Variants in DIP2B observed in about 807,000 individuals in gnomAD.
DIP2B encodes the protein DIP2 acetate--CoA ligase B (putative), also known as disco-interacting protein 2 homolog B.
Under a neutral mutation model 198.0 loss-of-function variants are expected in DIP2B, and 76 were observed. The ratio of observed to expected loss-of-function variants is 0.38; its 90% confidence interval spans 0.32 to 0.46. The LOEUF is 0.46. DIP2B is among the 20% of genes least tolerant of loss of function. DIP2B has a pLI of 0.99. For missense variants in DIP2B, 1,559 were observed against 1,978.4 expected (o/e 0.79, Z 4.02); for synonymous variants, 701 against 739.1 (o/e 0.95, Z 0.84).
At chr12:50,726,776 C>T (rs1427872669) in intron 28 of DIP2B, among the ~76,000 whole-genome samples, 1 of 151,968 alleles carries the variant, frequency 6.6e-6, no homozygotes, top group Non-Finnish European at 1.5e-5. Flanking sequence ...GCTGGGACTA[C>T]AGGCCTGAGT....
chr12:50,540,330 T>TGA (rs1157949164), intron 1 of DIP2B, among the ~76,000 whole-genome samples: 1 of 151,538 alleles, frequency 6.6e-6, no homozygotes, highest in Non-Finnish European at 1.5e-5. Context: ...AGGCTGATCT[T>TGA]GAACTCCTGA....
chr12:50,593,860 TCCTCCCCTCC>T (rs1958854227), intron 1 of DIP2B, among the ~76,000 whole-genome samples: 3 of 1,900 alleles, frequency 1.6e-3, no homozygotes, highest in Non-Finnish European at 2.3e-3. Flanking sequence ...CCCTCCCCTC[TCCTCCCCTCC>T]CCTCTCCTCC....
chr12:50,505,001 T>TGGCGGCGGCGGCGGCGGCGGCGGA lies in DIP2B; in HGVS notation c.-117_-116insAGGCGGCGGCGGCGGCGGCGGCGG, dbSNP rs574938327. On this transcript the variant is annotated 5_prime_UTR_variant, in exon 1 of 38. Transcript: ENST00000301180. ...GTCGCGCTCACGTGACCTTTGCTCA[T>TGGCGGCGGCGGCGGCGGCGGCGGA]GGCGGCGGCGGCGGCGGCGGCGGTG... The TGGCGGCGGCGGCGGCGGCGGCGGA allele has an allele frequency of 3.1e-6, 2 of 651,260 alleles. No individual in the cohort carries two copies. The highest frequency in any genetic ancestry group is 5.2e-6 in the Non-Finnish European group (2 of 385,310). The allele number at this position is 651,260 out of a possible 1,614,324, so 40.3% of individuals were successfully genotyped here. A position where few individuals can be genotyped will look rare whatever the true frequency, so the allele number is the denominator to read the frequency against.
chr12:50,701,726 G>A (rs914634425), intron 19 of DIP2B, among the ~76,000 whole-genome samples: 14 of 152,040 alleles, frequency 9.2e-5, no homozygotes, highest in African/African-American at 3.4e-4. Flanking sequence ...ATATTTTATA[G>A]ATAATGCTAC....
intron 1 of DIP2B, among the ~76,000 whole-genome samples, chr12:50,581,453 G>A (rs1593627620): frequency 6.7e-6 from 1 of 149,562 alleles, no homozygotes; most frequent in South Asian, 2.2e-4. Flanking sequence ...CTTTCCGGCT[G>A]TATGCTGTAC....
chr12:50,704,486 T>C (rs1939478711), intron 20 of DIP2B, among the ~76,000 whole-genome samples: 1 of 152,252 alleles, frequency 6.6e-6, no homozygotes, highest in Non-Finnish European at 1.5e-5. Flanking sequence ...ACTTTTTTTA[T>C]TTTAAGAACT....
At chr12:50,700,503 C>A (rs1179744119) in intron 19 of DIP2B, among the ~76,000 whole-genome samples, 3 of 152,184 alleles carry the variant, frequency 2.0e-5, no homozygotes, top group African/African-American at 7.2e-5. Context: ...TACTGTCCCA[C>A]TTGAAATCAG....
rs905691064 is a variant in DIP2B at position 50,626,174 on chromosome 12, C to T, written c.172+127C>T. 3.4e-5 allele frequency: 32 copies of T among 940,948 alleles called. No individual in the cohort carries two copies. In the African/African-American group the frequency reaches 3.8e-4, roughly 11 times the overall value. The allele number at this position is 940,948 out of a possible 1,614,324, so 58.3% of individuals were successfully genotyped here. A position where few individuals can be genotyped will look rare whatever the true frequency, so the allele number is the denominator to read the frequency against. On this transcript the variant is annotated intron_variant, in intron 2 of 37. Transcript: ENST00000301180. The stretch of plus-strand genomic sequence containing the variant: ...TTCCTCACCAGGGGAGAGAAAAAAA[C>T]GGAAGGAAAGAAAGGAGGAAATGAA...
At position 50,718,689 on chromosome 12, in the gene DIP2B, G is replaced by T. The variant is rs1223853971; in HGVS notation, c.2852-20G>T. 1 of 1,608,990 alleles carries T rather than the reference G, an allele frequency of 6.2e-7. No homozygotes were observed. The highest frequency in any genetic ancestry group is 8.5e-7 in the Non-Finnish European group (1 of 1,175,720). Reference sequence around the variant, plus strand: ...TGGAATCGCCATCTCCAGTGAGTTGGGTTTTGCATTTATTTACAGGTGTAG... The same window carrying T: ...TGGAATCGCCATCTCCAGTGAGTTGTGTTTTGCATTTATTTACAGGTGTAG... On this transcript the variant is annotated intron_variant, in intron 23 of 37. Coordinates refer to ENST00000301180, the MANE Select transcript of DIP2B (RefSeq NM_173602.3).
chr12:50,505,265 C>T (rs1213141922), intron 1 of DIP2B, 25 bp downstream of exon 1: 1 of 1,460,116 alleles, frequency 6.8e-7, no homozygotes, highest in Non-Finnish European at 9.0e-7. Context: ...GGGGAGAGGG[C>T]GCCCGGGGCC....
intron 1 of DIP2B, among the ~76,000 whole-genome samples, chr12:50,623,537 A>G (rs80021344): frequency 0.017 from 2,521 of 151,658 alleles, 22 homozygotes; most frequent in Admixed American, 0.027. Flanking sequence ...ACGCACACAC[A>G]CACACACACA....
intron 1 of DIP2B, among the ~76,000 whole-genome samples, chr12:50,594,558 A>G (rs1229054647): frequency 6.6e-6 from 1 of 152,188 alleles, no homozygotes; most frequent in Non-Finnish European, 1.5e-5. Flanking sequence ...GTCAATACGT[A>G]TTAGTGTTAA....
At chr12:50,719,820 G>A (rs868269192) in intron 25 of DIP2B, among the ~76,000 whole-genome samples, 7 of 149,698 alleles carry the variant, frequency 4.7e-5, no homozygotes, top group East Asian at 3.9e-4. Flanking sequence ...CAGCCTGGGT[G>A]ACAGAGCAAG....
intron 1 of DIP2B, among the ~76,000 whole-genome samples, chr12:50,544,740 C>T (rs1447474240): frequency 1.3e-5 from 2 of 151,934 alleles, no homozygotes; most frequent in Non-Finnish European, 2.9e-5. Flanking sequence ...GCCTCAGCCT[C>T]CTGAGTAGTT....
At chr12:50,692,084 T>A (rs1027518963) in intron 13 of DIP2B, among the ~76,000 whole-genome samples, 4 of 151,926 alleles carry the variant, frequency 2.6e-5, no homozygotes, top group Non-Finnish European at 5.9e-5. Context: ...TATATATATA[T>A]AATACATTCA....
At position 50,622,666 on chromosome 12, in the gene DIP2B, C is replaced by T. The variant is rs763755680; in HGVS notation, c.101-3310C>T. Among the ~76,000 whole-genome samples, 17 of 152,220 alleles carry T rather than the reference C, an allele frequency of 1.1e-4. No individual in the cohort carries two copies. The South Asian group carries it at 1.2e-3, about 11-fold the overall frequency. ...TCTTGTTGCCCAGGCTGGAGTACAGCGGTGTGATCTCAGCTCACCGCAGTA... is the reference window on the plus strand; with the variant it reads ...TCTTGTTGCCCAGGCTGGAGTACAGTGGTGTGATCTCAGCTCACCGCAGTA... On this transcript the variant is annotated intron_variant, in intron 1 of 37. Transcript: ENST00000301180.
chr12:50,557,768 C>T (rs993172901), intron 1 of DIP2B, among the ~76,000 whole-genome samples: 3 of 152,216 alleles, frequency 2.0e-5, no homozygotes, highest in Non-Finnish European at 4.4e-5. Flanking sequence ...TAAATGGATT[C>T]TGCAGTTCTT....
chr12:50,574,956 T>A lies in DIP2B; in HGVS notation c.101-51020T>A, dbSNP rs140351324. ...GTGATTTAGTATTATTTCTGGGCAATAAGTCAAGGTCCACAACTTAGTTTT... is the reference window on the plus strand; with the variant it reads ...GTGATTTAGTATTATTTCTGGGCAAAAAGTCAAGGTCCACAACTTAGTTTT... On this transcript the variant is annotated intron_variant, in intron 1 of 37. Coordinates refer to ENST00000301180, the MANE Select transcript of DIP2B (RefSeq NM_173602.3). 4.6e-5 allele frequency among the ~76,000 whole-genome samples: 7 copies of A among 152,364 alleles called. No homozygotes were observed. In the East Asian group the frequency reaches 1.3e-3, roughly 29 times the overall value.
chr12:50,686,099 C>T, intron 11 of DIP2B, 143 bp downstream of exon 11: 1 of 876,228 alleles, frequency 1.1e-6, no homozygotes, highest in East Asian at 3.1e-5. Context: ...CCATTATTAT[C>T]CCCATTTTAC....
Sources: allele counts gnomAD v4.1 joint callset (sites outside exome capture counted in the v4.1 genomes callset), GRCh38; gene constraint gnomAD v4.1.1; transcripts MANE v1.5; gene names NCBI Gene and HGNC (gene_info 2026-07-23, HGNC 2026-07-21).